ARF4: variants seen among roughly 807,000 people sequenced by gnomAD.
The protein encoded by ARF4 is ARF GTPase 4.
A neutral mutation model predicts 24.3 loss-of-function variants in ARF4; 5 were observed. The ratio of observed to expected loss-of-function variants is 0.21; its 90% CI spans 0.11 to 0.43. The LOEUF (loss-of-function observed/expected upper bound fraction) is 0.43, where lower values mean the gene tolerates loss of function less well. Ranked by LOEUF, ARF4 falls within the 20% of genes least tolerant of loss-of-function variation. The pLI is 1.00. For missense variants in ARF4, 107 were observed against 213.0 expected (o/e 0.50, Z 3.10); for synonymous variants, 62 against 73.5 (o/e 0.84, Z 0.80).
intron 5 of ARF4, among the ~76,000 whole-genome samples, chr3:57,573,187 G>GC (rs2069860939): frequency 7.0e-6 from 1 of 143,368 alleles, no homozygotes; most frequent in Non-Finnish European, 1.5e-5. Context: ...GGGTGACAGA[G>GC]CAAGACTCCA....
intron 1 of ARF4, chr3:57,596,804 A>G (rs1052900817): frequency 1.2e-5 from 5 of 433,462 alleles, no homozygotes; most frequent in African/African-American, 8.2e-5. Flanking sequence ...AATGTTGTCC[A>G]GCTTTCAATA....
chr3:57,581,833 G>C (rs1212166780), intron 3 of ARF4, among the ~76,000 whole-genome samples: 1 of 152,152 alleles, frequency 6.6e-6, no homozygotes, highest in Admixed American at 6.5e-5. Flanking sequence ...GAGCACATTA[G>C]AGATGAGTAT....
rs1575778456 is a variant in ARF4 at position 57,572,089 on chromosome 3, GTT to G, written c.*121_*122del. Reference sequence around the variant, plus strand: ...TAAACAATAATTGGCAACAAAATAAGTTTAATATTCTGCCCAAACCAGTCCCA... The same window carrying G: ...TAAACAATAATTGGCAACAAAATAAGTAATATTCTGCCCAAACCAGTCCCA... On this transcript the variant is annotated 3_prime_UTR_variant, in exon 6 of 6. Transcript: ENST00000303436. 4 of 713,566 alleles carry G rather than the reference GTT, an allele frequency of 5.6e-6. No homozygotes were observed. The East Asian group carries it at 1.0e-4, about 18-fold the overall frequency. The allele number at this position is 713,566 out of a possible 1,614,324, so 44.2% of individuals were successfully genotyped here. A position where few individuals can be genotyped will look rare whatever the true frequency, so the allele number is the denominator to read the frequency against.
intron 3 of ARF4, 147 bp downstream of exon 3, chr3:57,583,751 G>A (rs2070003614): frequency 3.1e-6 from 2 of 647,100 alleles, no homozygotes; most frequent in Non-Finnish European, 5.4e-6. Flanking sequence ...GCCTAAGTGA[G>A]AGTCCACTGA....
rs1043662647 is a variant in ARF4, at chr3:57,589,480, G to A, written c.68-5016C>T. 2.6e-5 allele frequency among the ~76,000 whole-genome samples: 4 copies of A among 152,128 alleles called. No individual in the cohort carries two copies. The East Asian group carries it at 7.7e-4, about 29-fold the overall frequency. On this transcript the variant is annotated intron_variant, in intron 1 of 5. Transcript: ENST00000303436. ...CACACCTGTAATCCCAGCACTTTGG[G>A]AGGCTGAAGTGGGTGGATCACGAGG...
intron 1 of ARF4, among the ~76,000 whole-genome samples, chr3:57,586,246 T>C (rs1219533555): frequency 6.6e-6 from 1 of 152,104 alleles, no homozygotes; most frequent in African/African-American, 2.4e-5. Flanking sequence ...TCACAGATTT[T>C]TGTATCGATT....
At chr3:57,593,620 G>A (rs1367557326) in intron 1 of ARF4, among the ~76,000 whole-genome samples, 4 of 152,166 alleles carry the variant, frequency 2.6e-5, no homozygotes, top group African/African-American at 7.2e-5. Context: ...TCAAAGTAAA[G>A]AGATCAGAAT....
intron 4 of ARF4, 60 bp downstream of exon 4, chr3:57,577,256 C>T: frequency 1.5e-6 from 2 of 1,375,700 alleles, no homozygotes; most frequent in Non-Finnish European, 2.1e-6. Context: ...ACTAAACCAC[C>T]ACCAGTTTAA....
chr3:57,577,479 C>T (rs1281456138), intron 3 of ARF4, 92 bp from the exon 4 acceptor site: 1 of 934,522 alleles, frequency 1.1e-6, no homozygotes, highest in Non-Finnish European at 1.7e-6. Context: ...AATGGTTAGA[C>T]ATTAGGAAGA....
At chr3:57,588,305 C>T (rs2070063329) in intron 1 of ARF4, among the ~76,000 whole-genome samples, 1 of 152,334 alleles carries the variant, frequency 6.6e-6, no homozygotes, top group Admixed American at 6.5e-5. Context: ...TCACTCACAC[C>T]TGTAATCCTA....
intron 3 of ARF4, among the ~76,000 whole-genome samples, chr3:57,580,941 A>G (rs2069963099): frequency 2.0e-5 from 3 of 152,132 alleles, no homozygotes; most frequent in Non-Finnish European, 4.4e-5. Flanking sequence ...TAATGCTATC[A>G]GTCCCAAAGT....
At chr3:57,595,900 G>A (rs1409078976) in intron 1 of ARF4, among the ~76,000 whole-genome samples, 1 of 151,686 alleles carries the variant, frequency 6.6e-6, no homozygotes, top group Non-Finnish European at 1.5e-5. Flanking sequence ...GCAGTGAGCC[G>A]AGATTGCGCC....
intron 1 of ARF4, among the ~76,000 whole-genome samples, chr3:57,589,299 C>A (rs4682005): frequency 1.3e-5 from 2 of 151,646 alleles, no homozygotes; most frequent in South Asian, 2.1e-4. Context: ...AGGGTGGTGC[C>A]CATCTATATT....
rs1293276210 is a variant in ARF4 at position 57,590,152 on chromosome 3, G to A, written c.68-5688C>T. On this transcript the variant is annotated intron_variant, in intron 1 of 5. Coordinates refer to ENST00000303436, the MANE Select transcript of ARF4 (RefSeq NM_001660.4). ...ATAAATAAAACAAAAAACAAAAAAAGAACATCTATAAAAAACCTACAGCTA... is the reference window on the plus strand; with the variant it reads ...ATAAATAAAACAAAAAACAAAAAAAAAACATCTATAAAAAACCTACAGCTA... 8.1e-5 allele frequency among the ~76,000 whole-genome samples: 9 copies of A among 111,734 alleles called. No individual in the cohort carries two copies. The South Asian group carries it at 1.0e-3, about 13-fold the overall frequency. The allele number at this position is 111,734 out of a possible 152,430, so 73.3% of individuals were successfully genotyped here.
chr3:57,577,220 G>A (rs2069916985), intron 4 of ARF4, 96 bp downstream of exon 4: 2 of 989,598 alleles, frequency 2.0e-6, no homozygotes, highest in South Asian at 1.4e-5. Flanking sequence ...CAATCCATTT[G>A]TGTAATCTAA....
chr3:57,585,021 G>A (rs11718880), intron 1 of ARF4, among the ~76,000 whole-genome samples: 20,404 of 151,822 alleles, frequency 0.13, 1,455 homozygotes, highest in South Asian at 0.21. Flanking sequence ...CCACCACCAC[G>A]CCCGGCTAAT....
chr3:57,595,599 C>T (rs1274308097), intron 1 of ARF4, among the ~76,000 whole-genome samples: 1 of 152,132 alleles, frequency 6.6e-6, no homozygotes, highest in African/African-American at 2.4e-5. Context: ...TCTTTATATA[C>T]CTTGAAATAT....
At chr3:57,590,205 G>A (rs1559786972) in intron 1 of ARF4, among the ~76,000 whole-genome samples, 1 of 150,208 alleles carries the variant, frequency 6.7e-6, no homozygotes, top group Non-Finnish European at 1.5e-5. Context: ...GAAAAATTGA[G>A]GCCGGGTGCA....
intron 1 of ARF4, among the ~76,000 whole-genome samples, chr3:57,586,562 C>T (rs1472966266): frequency 6.6e-6 from 1 of 152,108 alleles, no homozygotes; most frequent in Non-Finnish European, 1.5e-5. Flanking sequence ...AACCCTGTTC[C>T]CCACTTCGTA....
Sources: gnomAD v4.1 joint callset for allele counts (sites outside exome capture counted in the v4.1 genomes callset) on GRCh38, gnomAD v4.1.1 for gene constraint, MANE v1.5 for transcripts, NCBI Gene and HGNC (gene_info 2026-07-23, HGNC 2026-07-21) for gene names.